The following CACHD1 variants were observed in gnomAD, a reference collection of about 807,000 sequenced individuals.
The protein encoded by CACHD1 is VWFA and cache domain-containing protein 1.
A neutral mutation model predicts 138.7 loss-of-function variants in CACHD1; 71 were observed. The ratio of observed to expected loss-of-function variants is 0.51; its 90% CI spans 0.42 to 0.62. The LOEUF (loss-of-function observed/expected upper bound fraction) is 0.62, where lower values mean the gene tolerates loss of function less well. CACHD1 is among the 20% of genes least tolerant of loss of function. The pLI, the probability that CACHD1 is intolerant of heterozygous loss-of-function variation, is 0.00. For synonymous variants in CACHD1, 578 were observed against 591.5 expected (o/e 0.98, Z 0.33); for missense variants, 1,389 against 1,625.3 (o/e 0.85, Z 2.50).
At chr1:64,663,251 C>T (rs561923067) in intron 13 of CACHD1, among the ~76,000 whole-genome samples, 1 of 146,178 alleles carries the variant, frequency 6.8e-6, no homozygotes, top group African/African-American at 2.5e-5. Context: ...GAGAATGTGG[C>T]CCTTTAGATA....
At chr1:64,661,286 G>T (rs749817418) in intron 13 of CACHD1, among the ~76,000 whole-genome samples, 2 of 151,812 alleles carry the variant, frequency 1.3e-5, no homozygotes, top group Non-Finnish European at 2.9e-5. Flanking sequence ...AAGAGACAAA[G>T]AAAAAATTTT....
Position 64,663,672 on chromosome 1 carries a change from T to C in CACHD1, c.1952-23T>C, listed in dbSNP as rs1649526409. On this transcript the variant is annotated intron_variant, in intron 13 of 26. Coordinates refer to ENST00000651257, the MANE Select transcript of CACHD1 (RefSeq NM_020925.4). ...GATAGAGTCTCCGCATTCTCAGGCC[T>C]GCTTTGTTTGCTTCTCTTTCAGAAA... The C allele has an allele frequency of 6.2e-6, 10 of 1,613,976 alleles. No homozygotes were observed. In the East Asian group the frequency reaches 2.2e-4, roughly 36 times the overall value.
intron 1 of CACHD1, among the ~76,000 whole-genome samples, chr1:64,527,360 T>C (rs1646548933): frequency 6.6e-6 from 1 of 152,246 alleles, no homozygotes; most frequent in African/African-American, 2.4e-5. Context: ...CCACATTCTC[T>C]TTGATGTGAG....
intron 16 of CACHD1, among the ~76,000 whole-genome samples, chr1:64,669,904 C>G (rs897513906): frequency 6.6e-6 from 1 of 152,116 alleles, no homozygotes; most frequent in African/African-American, 2.4e-5. Context: ...TATTTTTCAC[C>G]GAGGTAGCTG....
At chr1:64,508,121 A>G (rs1406165930) in intron 1 of CACHD1, among the ~76,000 whole-genome samples, 7 of 152,138 alleles carry the variant, frequency 4.6e-5, no homozygotes, top group Non-Finnish European at 8.8e-5. Flanking sequence ...GAGAAGGGGG[A>G]GGTGCTACAC....
intron 3 of CACHD1, among the ~76,000 whole-genome samples, chr1:64,585,328 A>G (rs1647043305): frequency 6.6e-6 from 1 of 152,244 alleles, no homozygotes; most frequent in Non-Finnish European, 1.5e-5. Flanking sequence ...GGTCTGGGAT[A>G]GAGGCCATCT....
intron 1 of CACHD1, among the ~76,000 whole-genome samples, chr1:64,476,799 G>A (rs938120671): frequency 6.6e-6 from 1 of 152,196 alleles, no homozygotes; most frequent in Admixed American, 6.5e-5. Context: ...GGAAGGGCTT[G>A]GGGGAGGGAG....
At chr1:64,678,774 C>G (rs1650076986) in intron 23 of CACHD1, among the ~76,000 whole-genome samples, 1 of 152,152 alleles carries the variant, frequency 6.6e-6, no homozygotes, top group Non-Finnish European at 1.5e-5. Context: ...CCCAGTGCAT[C>G]TGGGACAGCT....
intron 4 of CACHD1, among the ~76,000 whole-genome samples, chr1:64,608,525 T>C (rs1187754382): frequency 3.3e-5 from 5 of 152,222 alleles, no homozygotes; most frequent in Admixed American, 6.5e-5. Context: ...CTCACATAAA[T>C]TATAAACCAT....
chr1:64,527,111 G>A (rs1181332155), intron 1 of CACHD1, among the ~76,000 whole-genome samples: 1 of 152,164 alleles, frequency 6.6e-6, no homozygotes, highest in Non-Finnish European at 1.5e-5. Context: ...TGGTAAAATT[G>A]TCCAGAAAAA....
chr1:64,588,283 CTT>C (rs574063083), intron 3 of CACHD1, among the ~76,000 whole-genome samples: 132 of 152,252 alleles, frequency 8.7e-4, no homozygotes, highest in African/African-American at 3.0e-3. Context: ...AATATAACTC[CTT>C]TAGGCATAAC....
intron 4 of CACHD1, among the ~76,000 whole-genome samples, chr1:64,612,034 G>A (rs1647550222): frequency 6.6e-6 from 1 of 152,112 alleles, no homozygotes; most frequent in Admixed American, 6.6e-5. Context: ...ATTGGGGTGG[G>A]GGAACTGCCA....
intron 2 of CACHD1, among the ~76,000 whole-genome samples, chr1:64,561,359 T>A (rs533085310): frequency 6.6e-6 from 1 of 152,296 alleles, no homozygotes; most frequent in African/African-American, 2.4e-5. Context: ...ATGTTATAGC[T>A]TTTGCTCTAA....
chr1:64,624,875 T>G lies in CACHD1; in HGVS notation c.518-4480T>G, dbSNP rs190654196. ...TCTAAGGCTTTGGAAATGCTTTAAG[T>G]CCTATGTGTAGTATATTTTGCATAT... On this transcript the variant is annotated intron_variant, in intron 4 of 26. Coordinates refer to ENST00000651257, the MANE Select transcript of CACHD1 (RefSeq NM_020925.4). Among the ~76,000 whole-genome samples, 9 of 152,350 alleles carry G rather than the reference T, an allele frequency of 5.9e-5. No individual in the cohort carries two copies. In the East Asian group the frequency reaches 1.7e-3, roughly 29 times the overall value.
chr1:64,514,447 T>C (rs1418279514), intron 1 of CACHD1, among the ~76,000 whole-genome samples: 1 of 152,220 alleles, frequency 6.6e-6, no homozygotes, highest in Non-Finnish European at 1.5e-5. Context: ...GAGTTTTCTT[T>C]TTTGTAGCTC....
At chr1:64,573,173 T>C (rs1280516265) in intron 2 of CACHD1, among the ~76,000 whole-genome samples, 1 of 152,138 alleles carries the variant, frequency 6.6e-6, no homozygotes, top group African/African-American at 2.4e-5. Context: ...GTGGGGCCTT[T>C]GGGAAGTAAT....
Position 64,480,403 on chromosome 1 carries a change from A to C in CACHD1, c.198+9461A>C, listed in dbSNP as rs188534173. On this transcript the variant is annotated intron_variant, in intron 1 of 26. Transcript: ENST00000651257. ...TTTTCCGCATTTTTCTCTTAGAATGAAAAAGAAAACTTGACATAGTAGTAT... is the reference window on the plus strand; with the variant it reads ...TTTTCCGCATTTTTCTCTTAGAATGCAAAAGAAAACTTGACATAGTAGTAT... Among the ~76,000 whole-genome samples, 57 of 152,268 alleles carry C rather than the reference A, an allele frequency of 3.7e-4. 1 individual carries two copies. In the Middle Eastern group the frequency reaches 0.02, roughly 55 times the overall value.
chr1:64,527,014 C>G (rs921297724), intron 1 of CACHD1, among the ~76,000 whole-genome samples: 2 of 152,318 alleles, frequency 1.3e-5, no homozygotes, highest in South Asian at 4.1e-4. Flanking sequence ...GCGAGCAGTT[C>G]GGAGTCAGTA....
intron 1 of CACHD1, among the ~76,000 whole-genome samples, chr1:64,546,431 C>T (rs1646718859): frequency 6.6e-6 from 1 of 151,866 alleles, no homozygotes; most frequent in Non-Finnish European, 1.5e-5. Flanking sequence ...GCCTCCTGGG[C>T]TCAAGTGATC....
Sources: allele counts gnomAD v4.1 joint callset (sites outside exome capture counted in the v4.1 genomes callset), GRCh38; gene constraint gnomAD v4.1.1; transcripts MANE v1.5; gene names NCBI Gene and HGNC (gene_info 2026-07-23, HGNC 2026-07-21).